Variants in TMPRSS11D observed in about 807,000 individuals in gnomAD.
The protein encoded by TMPRSS11D is transmembrane protease serine 11D.
TMPRSS11D carries 32 observed loss-of-function variants against 44.4 expected under a neutral mutation model. That is an observed-to-expected ratio of 0.72 (90% confidence interval 0.54 to 0.97). TMPRSS11D has a LOEUF of 0.97. Ranked by LOEUF, TMPRSS11D falls within the 50% of genes least tolerant of loss-of-function variation. TMPRSS11D has a pLI of 0.00. For missense variants in TMPRSS11D, 446 were observed against 502.6 expected (o/e 0.89, Z 1.08); for synonymous variants, 179 against 177.9 (o/e 1.01, Z -0.05).
intron 1 of TMPRSS11D, among the ~76,000 whole-genome samples, chr4:67,881,359 C>T (rs947977104): frequency 2.0e-5 from 3 of 152,152 alleles, no homozygotes; most frequent in African/African-American, 7.2e-5. Flanking sequence ...AATATATAAT[C>T]CCAGATGACT....
chr4:67,859,614 C>A lies in TMPRSS11D; in HGVS notation c.73G>T (p.Ala25Ser). ...NPYVVCFIVV[A>S]GVVILAVTIA... ...GTGACTGCCAGGATCACTACCCCTG[C>A]GACGACAATGAAACATACTACATAT... The change falls in exon 2 of 10, where the codon GCA becomes TCA. Residue 25 changes from alanine (A) to serine (S), a missense_variant. Coordinates refer to ENST00000283916, the MANE Select transcript of TMPRSS11D (RefSeq NM_004262.3). 1 of 1,613,082 alleles carries A rather than the reference C, an allele frequency of 6.2e-7. No homozygotes were observed. Among genetic ancestry groups the A allele is most frequent in the Non-Finnish European group, 8.5e-7 (1 of 1,179,344 alleles).
At chr4:67,824,194 G>A (rs1717726953) in intron 9 of TMPRSS11D, among the ~76,000 whole-genome samples, 1 of 149,240 alleles carries the variant, frequency 6.7e-6, no homozygotes, top group Non-Finnish European at 1.5e-5. Context: ...TTAAAAATCA[G>A]TGAGGCCTAG....
intron 4 of TMPRSS11D, chr4:67,838,958 T>C (rs2109669621): frequency 6.6e-6 from 1 of 152,224 alleles, no homozygotes; most frequent in South Asian, 2.1e-4. Context: ...GGTGACTTGA[T>C]TAAATATTTG....
At chr4:67,869,196 T>C (rs1283498862) in intron 1 of TMPRSS11D, among the ~76,000 whole-genome samples, 1 of 152,222 alleles carries the variant, frequency 6.6e-6, no homozygotes, top group Non-Finnish European at 1.5e-5. Flanking sequence ...ACTGGAAGTG[T>C]TCTTTTTGAA....
intron 2 of TMPRSS11D, among the ~76,000 whole-genome samples, chr4:67,858,021 A>G (rs1342268422): frequency 6.6e-6 from 1 of 152,206 alleles, no homozygotes; most frequent in Non-Finnish European, 1.5e-5. Flanking sequence ...AAAAACAACA[A>G]CGACAACAGG....
chr4:67,837,519 T>G (rs769569890), intron 5 of TMPRSS11D, among the ~76,000 whole-genome samples: 26 of 152,174 alleles, frequency 1.7e-4, no homozygotes, highest in Non-Finnish European at 3.5e-4. Flanking sequence ...CTTTTAATCT[T>G]GAGCTCATCG....
At chr4:67,827,645 T>TGCAC (rs1717837714) in intron 7 of TMPRSS11D, 125 bp from the exon 8 acceptor site, 13 of 1,075,438 alleles carry the variant, frequency 1.2e-5, no homozygotes, top group Non-Finnish European at 1.7e-5. Context: ...TTTGCTATAT[T>TGCAC]TTCCTGCATT....
chr4:67,834,763 A>G (rs929932173), intron 6 of TMPRSS11D, among the ~76,000 whole-genome samples: 1 of 152,190 alleles, frequency 6.6e-6, no homozygotes, highest in Non-Finnish European at 1.5e-5. Context: ...TTGTAAGTCT[A>G]CAGAAATGCC....
At position 67,839,831 on chromosome 4, in the gene TMPRSS11D, T is replaced by A. The variant is rs193029675; in HGVS notation, c.318-1502A>T. Among the ~76,000 whole-genome samples, 1,279 of 152,050 alleles carry A rather than the reference T, an allele frequency of 8.4e-3. 24 individuals are homozygous for A. The highest frequency in any genetic ancestry group is 0.028 in the African/African-American group (1,159 of 41,502). On this transcript the variant is annotated intron_variant, in intron 4 of 9. Coordinates refer to ENST00000283916, the MANE Select transcript of TMPRSS11D (RefSeq NM_004262.3). ...AATACTCCCAGAACCTTTTTTTTTT[T>A]AATTTTATTATTATTATACTTTAAG...
intron 1 of TMPRSS11D, among the ~76,000 whole-genome samples, chr4:67,874,145 G>A (rs1400234836): frequency 6.6e-6 from 1 of 152,086 alleles, no homozygotes; most frequent in Non-Finnish European, 1.5e-5. Context: ...CAGGTCTGTA[G>A]CCAAGGAGTA....
chr4:67,866,567 T>C (rs1221296381), intron 1 of TMPRSS11D, among the ~76,000 whole-genome samples: 1 of 151,892 alleles, frequency 6.6e-6, no homozygotes, highest in Non-Finnish European at 1.5e-5. Flanking sequence ...ACTGACAATA[T>C]GATCTTATAC....
intron 2 of TMPRSS11D, among the ~76,000 whole-genome samples, chr4:67,857,526 G>A (rs764684209): frequency 2.0e-5 from 3 of 151,892 alleles, no homozygotes; most frequent in Non-Finnish European, 4.4e-5. Flanking sequence ...GGGAGGCAGA[G>A]CTGGGAAGAT....
chr4:67,840,577 T>A (rs1042216887), intron 4 of TMPRSS11D, among the ~76,000 whole-genome samples: 7 of 152,206 alleles, frequency 4.6e-5, no homozygotes, highest in Admixed American at 1.3e-4. Context: ...GAAAACATTA[T>A]TTTTAAAAGA....
At chr4:67,851,831 A>T (rs1382798464) in intron 3 of TMPRSS11D, among the ~76,000 whole-genome samples, 2 of 152,116 alleles carry the variant, frequency 1.3e-5, no homozygotes, top group Non-Finnish European at 2.9e-5. Context: ...TCCATTGCCA[A>T]GTTCTGTGGA....
chr4:67,844,574 G>A (rs1008354930), intron 3 of TMPRSS11D, among the ~76,000 whole-genome samples: 32 of 151,982 alleles, frequency 2.1e-4, no homozygotes, highest in African/African-American at 7.3e-4. Flanking sequence ...AGGAGTTCGA[G>A]ACCAGTCTGG....
At chr4:67,843,835 A>G (rs1358544749) in intron 3 of TMPRSS11D, among the ~76,000 whole-genome samples, 1 of 152,248 alleles carries the variant, frequency 6.6e-6, no homozygotes, top group African/African-American at 2.4e-5. Flanking sequence ...AGGCAGGAGA[A>G]TCACTTGAAC....
chr4:67,838,067 A>T, intron 5 of TMPRSS11D, 105 bp downstream of exon 5: 1 of 947,164 alleles, frequency 1.1e-6, no homozygotes, highest in Non-Finnish European at 1.5e-6. Flanking sequence ...TTCACAGTTT[A>T]GTTTCAAAGA....
At chr4:67,877,533 T>TA (rs1373018740) in intron 1 of TMPRSS11D, among the ~76,000 whole-genome samples, 1 of 152,220 alleles carries the variant, frequency 6.6e-6, no homozygotes, top group African/African-American at 2.4e-5. Context: ...ATCTTTCACA[T>TA]ATCTCTATTC....
chr4:67,850,740 C>G (rs1462658771), intron 3 of TMPRSS11D, among the ~76,000 whole-genome samples: 1 of 152,250 alleles, frequency 6.6e-6, no homozygotes, highest in East Asian at 1.9e-4. Context: ...TGTGGGTGTG[C>G]ACTTGCGTGT....
Sources: gnomAD v4.1 joint callset for allele counts (sites outside exome capture counted in the v4.1 genomes callset) on GRCh38, gnomAD v4.1.1 for gene constraint, MANE v1.5 for transcripts, NCBI Gene and HGNC (gene_info 2026-07-23, HGNC 2026-07-21) for gene names.